ADAMTS18: variants seen among roughly 807,000 people sequenced by gnomAD.
ADAMTS18 encodes the protein A disintegrin and metalloproteinase with thrombospondin motifs 18.
In ADAMTS18, 157 loss-of-function variants were observed where a neutral mutation model predicts 165.9. The observed-to-expected ratio is 0.95, with a 90% CI of 0.83 to 1.08. The LOEUF (loss-of-function observed/expected upper bound fraction) is 1.08, where lower values mean the gene tolerates loss of function less well. ADAMTS18 is among the 50% of genes least tolerant of loss of function. ADAMTS18 has a pLI of 0.00. For missense variants in ADAMTS18, 2,040 were observed against 1,534.0 expected, an observed-to-expected ratio of 1.33 and a Z score of -5.51; for synonymous variants, 782 against 578.2, an observed-to-expected ratio of 1.35 and a Z score of -5.06.
rs901380465 is a variant in ADAMTS18, at chr16:77,358,485, C to T, written c.1322+833G>A. Reference sequence around the variant, plus strand: ...GCAGAGGCAGGAGAATCACTTGAACCCGGGAGGCGGAGGTTGCAGCGAGCC... The same window carrying T: ...GCAGAGGCAGGAGAATCACTTGAACTCGGGAGGCGGAGGTTGCAGCGAGCC... On this transcript the variant is annotated intron_variant, in intron 8 of 22. Transcript: ENST00000282849. Among the ~76,000 whole-genome samples, 6 of 152,224 alleles carry T rather than the reference C, an allele frequency of 3.9e-5. No homozygotes were observed. In the East Asian group the frequency reaches 9.7e-4, roughly 24 times the overall value.
At chr16:77,390,196 T>C (rs1243914562) in intron 3 of ADAMTS18, among the ~76,000 whole-genome samples, 1 of 151,958 alleles carries the variant, frequency 6.6e-6, no homozygotes, top group Non-Finnish European at 1.5e-5. Context: ...CTGCAAGAAA[T>C]AACGGCAGTG....
intron 13 of ADAMTS18, among the ~76,000 whole-genome samples, chr16:77,322,700 C>T (rs940296084): frequency 3.3e-5 from 5 of 152,056 alleles, no homozygotes; most frequent in Non-Finnish European, 7.4e-5. Flanking sequence ...TTTTCTCATC[C>T]TTAGGGATAG....
rs79628525 is a variant in ADAMTS18, at chr16:77,383,372, C to T, written c.496-15649G>A. Reference sequence around the variant, plus strand: ...TAGTAGCTTCTCTAGCATCTTCTACCTCTTATTTTTTCTTTTAACTGAATT... The same window carrying T: ...TAGTAGCTTCTCTAGCATCTTCTACTTCTTATTTTTTCTTTTAACTGAATT... On this transcript the variant is annotated intron_variant, in intron 3 of 22. Coordinates refer to ENST00000282849, the MANE Select transcript of ADAMTS18 (RefSeq NM_199355.4). Among the ~76,000 whole-genome samples, 928 of 152,162 alleles carry T rather than the reference C, an allele frequency of 6.1e-3. 11 individuals carry two copies. The highest frequency in any genetic ancestry group is 0.021 in the African/African-American group (861 of 41,490).
intron 3 of ADAMTS18, among the ~76,000 whole-genome samples, chr16:77,390,277 G>T (rs9930356): frequency 0.016 from 2,507 of 152,216 alleles, 60 homozygotes; most frequent in African/African-American, 0.058. Flanking sequence ...GATTTATCAG[G>T]GTTCAACTAC....
chr16:77,397,247 T>G (rs1256824935), intron 3 of ADAMTS18, among the ~76,000 whole-genome samples: 1 of 152,218 alleles, frequency 6.6e-6, no homozygotes, highest in Non-Finnish European at 1.5e-5. Context: ...AGGAGAAACT[T>G]TGTGTATTTA....
intron 11 of ADAMTS18, among the ~76,000 whole-genome samples, chr16:77,337,196 T>A (rs1454020042): frequency 6.6e-6 from 1 of 152,208 alleles, no homozygotes; most frequent in Non-Finnish European, 1.5e-5. Context: ...ATTGAGAAGT[T>A]TTTGGGGAAG....
chr16:77,431,235 T>C, intron 3 of ADAMTS18, 60 bp downstream of exon 3: 1 of 1,575,974 alleles, frequency 6.3e-7, no homozygotes, highest in Non-Finnish European at 8.7e-7. Flanking sequence ...CAGACATCTG[T>C]TCATTCAAGT....
At chr16:77,309,222 T>C (rs2055735948) in intron 16 of ADAMTS18, among the ~76,000 whole-genome samples, 1 of 152,160 alleles carries the variant, frequency 6.6e-6, no homozygotes, top group African/African-American at 2.4e-5. Context: ...GGCTAGTTTT[T>C]TTTTTTCTGG....
At chr16:77,423,370 C>A (rs73635348) in intron 3 of ADAMTS18, among the ~76,000 whole-genome samples, 2,329 of 152,172 alleles carry the variant, frequency 0.015, 54 homozygotes, top group African/African-American at 0.053. Flanking sequence ...AGAGGAAGGT[C>A]TGCAATAATG....
chr16:77,326,209 C>T (rs907708366), intron 12 of ADAMTS18, among the ~76,000 whole-genome samples, 171 bp from the exon 13 acceptor site: 24 of 152,148 alleles, frequency 1.6e-4, no homozygotes, highest in African/African-American at 5.8e-4. Flanking sequence ...CACCTTCCTT[C>T]TTGAATCTAG....
chr16:77,416,173 G>A (rs930913825), intron 3 of ADAMTS18, among the ~76,000 whole-genome samples: 4 of 152,162 alleles, frequency 2.6e-5, no homozygotes, highest in Non-Finnish European at 5.9e-5. Flanking sequence ...ACTGAGGGAA[G>A]AAATAATCAG....
At position 77,407,144 on chromosome 16, in the gene ADAMTS18, G is replaced by A. The variant is rs76060874; in HGVS notation, c.495+24151C>T. Among the ~76,000 whole-genome samples the A allele has an allele frequency of 2.6e-3, 394 of 152,122 alleles. 1 individual carries two copies. Among genetic ancestry groups the A allele is most frequent in the African/African-American group, 9.0e-3 (373 of 41,514 alleles). The stretch of plus-strand genomic sequence containing the variant: ...AAGTAAACTTCTACAATTGATAAGT[G>A]AGAGTGTTCTTAATAAGAGTCTATA... On this transcript the variant is annotated intron_variant, in intron 3 of 22. Transcript: ENST00000282849.
At chr16:77,400,195 C>G (rs1597226561) in intron 3 of ADAMTS18, among the ~76,000 whole-genome samples, 1 of 152,288 alleles carries the variant, frequency 6.6e-6, no homozygotes, top group Non-Finnish European at 1.5e-5. Flanking sequence ...CACATCTCAG[C>G]TCCAGCTGCA....
At chr16:77,339,094 C>T (rs8050093) in intron 11 of ADAMTS18, among the ~76,000 whole-genome samples, 64,033 of 151,608 alleles carry the variant, frequency 0.42, 14,046 homozygotes, top group East Asian at 0.61. Context: ...GAGAAACAAA[C>T]AAAACATTGA....
intron 22 of ADAMTS18, among the ~76,000 whole-genome samples, chr16:77,287,811 A>C (rs1041776180): frequency 6.6e-6 from 1 of 152,074 alleles, no homozygotes; most frequent in Admixed American, 6.6e-5. Flanking sequence ...TATGCACCCT[A>C]TGACTCCCCT....
intron 3 of ADAMTS18, among the ~76,000 whole-genome samples, chr16:77,383,765 A>G (rs999641021): frequency 3.3e-5 from 5 of 151,820 alleles, no homozygotes; most frequent in Admixed American, 2.0e-4. Context: ...CTGGTCTTGA[A>G]CTCCTGACAT....
At chr16:77,328,892 A>G (rs1310146016) in intron 12 of ADAMTS18, among the ~76,000 whole-genome samples, 2 of 152,222 alleles carry the variant, frequency 1.3e-5, no homozygotes, top group African/African-American at 4.8e-5. Context: ...ACAAGAGCTT[A>G]CAAAACTTGT....
chr16:77,332,413 C>T (rs2056204030), intron 12 of ADAMTS18, among the ~76,000 whole-genome samples: 1 of 152,156 alleles, frequency 6.6e-6, no homozygotes, highest in Non-Finnish European at 1.5e-5. Flanking sequence ...ACACAGATCC[C>T]AGAACCTTTT....
intron 3 of ADAMTS18, among the ~76,000 whole-genome samples, chr16:77,402,356 T>C (rs1026586017): frequency 6.6e-6 from 1 of 152,200 alleles, no homozygotes; most frequent in African/African-American, 2.4e-5. Context: ...TGTCCTCTTC[T>C]GGAAGCAGGC....
Sources: allele counts gnomAD v4.1 joint callset (sites outside exome capture counted in the v4.1 genomes callset), GRCh38; gene constraint gnomAD v4.1.1; transcripts MANE v1.5; gene names NCBI Gene and HGNC (gene_info 2026-07-23, HGNC 2026-07-21).